Variants in CLASP1 observed in about 807,000 individuals in gnomAD.
CLASP1 encodes the protein CLIP-associating protein 1.
A neutral mutation model predicts 192.3 loss-of-function variants in CLASP1; 38 were observed. That is an observed-to-expected ratio of 0.20 (90% CI 0.15 to 0.26). The LOEUF is 0.26. CLASP1 is among the 10% of genes least tolerant of loss of function. CLASP1 has a pLI of 1.00. For synonymous variants in CLASP1, 691 were observed against 712.8 expected (o/e 0.97, Z 0.49); for missense variants, 1,433 against 1,932.5 (o/e 0.74, Z 4.85).
chr2:121,397,425 G>A (rs1437879199), intron 29 of CLASP1, 142 bp from the exon 31 acceptor site: 18 of 696,584 alleles, frequency 2.6e-5, no homozygotes, highest in South Asian at 9.6e-5. Context: ...CACGTGGAGC[G>A]ACATCCAACA....
intron 14 of CLASP1, among the ~76,000 whole-genome samples, chr2:121,454,055 C>T (rs1337932828): frequency 1.3e-5 from 2 of 152,134 alleles, no homozygotes; most frequent in African/African-American, 2.4e-5. Flanking sequence ...AGGGTGGCGG[C>T]ATTTCTATTG....
intron 32 of CLASP1, among the ~76,000 whole-genome samples, chr2:121,386,151 T>G (rs2073143357): frequency 6.6e-6 from 1 of 152,234 alleles, no homozygotes; most frequent in Non-Finnish European, 1.5e-5. Flanking sequence ...TGTGGGAGAT[T>G]CTTGATCATT....
At chr2:121,523,442 T>G (rs1159743733) in intron 6 of CLASP1, among the ~76,000 whole-genome samples, 1 of 152,208 alleles carries the variant, frequency 6.6e-6, no homozygotes, top group East Asian at 1.9e-4. Context: ...AAAAACAGAC[T>G]AGGCCCTTCC....
chr2:121,360,777 G>A (rs920735139), intron 37 of CLASP1, among the ~76,000 whole-genome samples: 1 of 152,202 alleles, frequency 6.6e-6, no homozygotes, highest in African/African-American at 2.4e-5. Flanking sequence ...GCCTGCCAAT[G>A]CAGGCACCGT....
Position 121,420,621 on chromosome 2 carries a change from C to T in CLASP1, c.2213-1892G>A, listed in dbSNP as rs529754327. Among the ~76,000 whole-genome samples the T allele has an allele frequency of 3.3e-5, 5 of 152,292 alleles. No homozygotes were observed. The South Asian group carries it at 1.0e-3, about 32-fold the overall frequency. On this transcript the variant is annotated intron_variant, in intron 22 of 39. Transcript: ENST00000263710. Reference sequence around the variant, plus strand: ...AGATAATGCACATACATAAGTATTTCCAAGTCCCTTGCTGAAGAGCACATG... The same window carrying T: ...AGATAATGCACATACATAAGTATTTTCAAGTCCCTTGCTGAAGAGCACATG...
At chr2:121,387,695 G>C in intron 31 of CLASP1, 68 bp downstream of exon 32, 1 of 1,497,822 alleles carries the variant, frequency 6.7e-7, no homozygotes. Context: ...ATTAGAGTAG[G>C]TTCTAGATAA....
chr2:121,617,653 C>T (rs1559784565), intron 1 of CLASP1, among the ~76,000 whole-genome samples: 1 of 152,188 alleles, frequency 6.6e-6, no homozygotes, highest in African/African-American at 2.4e-5. Context: ...CTTCCTTCTT[C>T]AAAAATTCCC....
intron 2 of CLASP1, among the ~76,000 whole-genome samples, chr2:121,595,773 A>G (rs2063064362): frequency 6.6e-6 from 1 of 152,238 alleles, no homozygotes; most frequent in Non-Finnish European, 1.5e-5. Context: ...TGACTAGGCC[A>G]CAAGAAAACA....
chr2:121,632,488 C>T (rs2069878832), intron 1 of CLASP1, among the ~76,000 whole-genome samples: 1 of 151,584 alleles, frequency 6.6e-6, no homozygotes, highest in South Asian at 2.1e-4. Context: ...CTCAGGAAAT[C>T]ATGATATGCC....
chr2:121,446,693 C>T (rs951694287), intron 19 of CLASP1, among the ~76,000 whole-genome samples: 1 of 152,194 alleles, frequency 6.6e-6, no homozygotes, highest in Non-Finnish European at 1.5e-5. Context: ...CGATCTATCA[C>T]TATGTCAGAT....
At chr2:121,360,590 T>A in intron 37 of CLASP1, among the ~76,000 whole-genome samples, 1 of 129,354 alleles carries the variant, frequency 7.7e-6, no homozygotes. Context: ...AAGAAGAACT[T>A]CAAGGGAAAA....
chr2:121,625,731 G>A (rs982639793), intron 1 of CLASP1, among the ~76,000 whole-genome samples: 1 of 150,820 alleles, frequency 6.6e-6, no homozygotes, highest in Non-Finnish European at 1.5e-5. Context: ...ACCGCGCCCA[G>A]CCTGCTTGAG....
intron 32 of CLASP1, among the ~76,000 whole-genome samples, chr2:121,382,647 C>T (rs2072008680): frequency 6.6e-6 from 1 of 152,182 alleles, no homozygotes; most frequent in Admixed American, 6.5e-5. Flanking sequence ...TGTGTATCTG[C>T]ATGCACTGGG....
At chr2:121,455,213 G>A (rs528296928) in intron 14 of CLASP1, among the ~76,000 whole-genome samples, 5 of 152,186 alleles carry the variant, frequency 3.3e-5, no homozygotes, top group South Asian at 2.1e-4. Flanking sequence ...TTCTTTTTTC[G>A]TGACTTTAGA....
At chr2:121,462,179 T>C (rs931239736) in intron 10 of CLASP1, among the ~76,000 whole-genome samples, 23 of 151,780 alleles carry the variant, frequency 1.5e-4, no homozygotes, top group African/African-American at 5.6e-4. Context: ...TCTCCATAAC[T>C]TTTCAGACAC....
chr2:121,363,385 G>A (rs2149239587), intron 36 of CLASP1, 85 bp from the exon 38 acceptor site: 2 of 1,548,800 alleles, frequency 1.3e-6, no homozygotes, highest in Middle Eastern at 1.7e-4. Flanking sequence ...GCAAGGCCAA[G>A]CACCCAGTTC....
At chr2:121,406,035 C>G (rs9308625) in intron 25 of CLASP1, among the ~76,000 whole-genome samples, 1 of 152,030 alleles carries the variant, frequency 6.6e-6, no homozygotes, top group South Asian at 2.1e-4. Context: ...ATTTCATGTA[C>G]TCTAAGTTGC....
At chr2:121,618,684 A>G (rs2066852857) in intron 1 of CLASP1, among the ~76,000 whole-genome samples, 1 of 152,226 alleles carries the variant, frequency 6.6e-6, no homozygotes, top group South Asian at 2.1e-4. Context: ...TGCAAAAATA[A>G]TATAAAAAGT....
intron 2 of CLASP1, among the ~76,000 whole-genome samples, chr2:121,598,856 T>C (rs2063443864): frequency 6.6e-6 from 1 of 152,166 alleles, no homozygotes; most frequent in Admixed American, 6.5e-5. Context: ...AACGTTTTTA[T>C]TTTTATTTAT....
Sources: allele counts gnomAD v4.1 joint callset (sites outside exome capture counted in the v4.1 genomes callset), GRCh38; gene constraint gnomAD v4.1.1; transcripts MANE v1.5; gene names NCBI Gene and HGNC (gene_info 2026-07-23, HGNC 2026-07-21).